The following SDHAF3 variants were observed in gnomAD, a reference collection of about 807,000 sequenced individuals.
The protein encoded by SDHAF3 is succinate dehydrogenase assembly factor 3, mitochondrial.
A neutral mutation model predicts 11.5 loss-of-function variants in SDHAF3; 18 were observed. That is an observed-to-expected ratio of 1.56 (90% CI 1.08 to 2.32). The LOEUF is 2.32. SDHAF3 is among the 30% of genes most tolerant of loss of function. The probability of loss-of-function intolerance (pLI) is 0.00; values close to 1 mark genes in which losing one functional copy is unlikely to be tolerated. For synonymous variants in SDHAF3, 72 were observed against 59.3 expected (o/e 1.21, Z -0.99); for missense variants, 200 against 154.4 (o/e 1.30, Z -1.57).
intron 1 of SDHAF3, among the ~76,000 whole-genome samples, chr7:97,163,482 T>A (rs574187664): frequency 6.6e-6 from 1 of 152,266 alleles, no homozygotes; most frequent in South Asian, 2.1e-4. Context: ...ACTCCTGCTT[T>A]TTTTTGCTTT....
intron 1 of SDHAF3, among the ~76,000 whole-genome samples, chr7:97,172,740 G>A (rs1789620716): frequency 6.6e-6 from 1 of 152,164 alleles, no homozygotes. Context: ...CTGTTTTGAT[G>A]AGGAAATTAC....
chr7:97,119,620 T>C (rs926130301), intron 1 of SDHAF3, among the ~76,000 whole-genome samples: 4 of 152,172 alleles, frequency 2.6e-5, no homozygotes, highest in Admixed American at 2.6e-4. Context: ...ACTACAGACT[T>C]TATTTACAAT....
chr7:97,124,721 A>C (rs888685051), intron 1 of SDHAF3, among the ~76,000 whole-genome samples: 11 of 152,072 alleles, frequency 7.2e-5, no homozygotes, highest in African/African-American at 2.7e-4. Context: ...TGTCTCTTGT[A>C]AGTTGTATTT....
chr7:97,171,318 T>G (rs929707686), intron 1 of SDHAF3, among the ~76,000 whole-genome samples: 1 of 152,074 alleles, frequency 6.6e-6, no homozygotes, highest in Admixed American at 6.5e-5. Flanking sequence ...CCTTTGGTTG[T>G]TTACATTAAA....
intron 1 of SDHAF3, among the ~76,000 whole-genome samples, chr7:97,167,096 G>A (rs555547022): frequency 2.0e-5 from 3 of 151,882 alleles, no homozygotes; most frequent in African/African-American, 7.2e-5. Flanking sequence ...GTGTGTTAGG[G>A]TGGATTTACG....
intron 1 of SDHAF3, among the ~76,000 whole-genome samples, chr7:97,119,884 C>CTA (rs1207765359): frequency 1.3e-5 from 2 of 152,012 alleles, no homozygotes; most frequent in African/African-American, 2.4e-5. Context: ...GTAAGAATAC[C>CTA]ACATGGGCAA....
At chr7:97,136,942 A>G (rs1788927446) in intron 1 of SDHAF3, among the ~76,000 whole-genome samples, 1 of 152,200 alleles carries the variant, frequency 6.6e-6, no homozygotes, top group Non-Finnish European at 1.5e-5. Flanking sequence ...TACTGAAAAT[A>G]TAAAATAAAA....
At chr7:97,126,672 C>T (rs554037462) in intron 1 of SDHAF3, among the ~76,000 whole-genome samples, 19 of 152,174 alleles carry the variant, frequency 1.2e-4, no homozygotes, top group African/African-American at 4.6e-4. Context: ...CATCCCTGGT[C>T]GACTTCAGAC....
chr7:97,141,210 T>C (rs1435019196), intron 1 of SDHAF3, among the ~76,000 whole-genome samples: 1 of 152,200 alleles, frequency 6.6e-6, no homozygotes, highest in African/African-American at 2.4e-5. Context: ...ATGTTATCAA[T>C]GACAATGCGT....
At chr7:97,168,773 G>T (rs576351845) in intron 1 of SDHAF3, among the ~76,000 whole-genome samples, 1 of 152,174 alleles carries the variant, frequency 6.6e-6, no homozygotes, top group South Asian at 2.1e-4. Context: ...TTTTTATTAT[G>T]TTACTTAACT....
chr7:97,152,935 A>AT (rs1280895949), intron 1 of SDHAF3, among the ~76,000 whole-genome samples: 4 of 152,246 alleles, frequency 2.6e-5, no homozygotes, highest in African/African-American at 9.6e-5. Flanking sequence ...AAGTGCTGGG[A>AT]TTACAGGCAT....
intron 1 of SDHAF3, among the ~76,000 whole-genome samples, chr7:97,144,292 T>G (rs1279072580): frequency 3.3e-5 from 5 of 152,230 alleles, no homozygotes; most frequent in African/African-American, 1.2e-4. Flanking sequence ...GTGTTGTCTG[T>G]TTGCTGACTG....
At chr7:97,136,724 C>T (rs1349950669) in intron 1 of SDHAF3, among the ~76,000 whole-genome samples, 1 of 152,042 alleles carries the variant, frequency 6.6e-6, no homozygotes, top group African/African-American at 2.4e-5. Flanking sequence ...TTAGCTTAGT[C>T]TGTAGTTAAA....
chr7:97,152,632 T>C (rs1789242788), intron 1 of SDHAF3, among the ~76,000 whole-genome samples: 2 of 57,452 alleles, frequency 3.5e-5, no homozygotes, highest in South Asian at 1.9e-3. Flanking sequence ...TTCTGAGCCA[T>C]TATTTTGTTT....
chr7:97,142,040 G>GTTTTTTTTTT (rs1474413744), intron 1 of SDHAF3, among the ~76,000 whole-genome samples: 8 of 87,910 alleles, frequency 9.1e-5, no homozygotes, highest in South Asian at 8.3e-4. Flanking sequence ...GTGAATTGTT[G>GTTTTTTTTTT]TCTTTTTTTT....
intron 1 of SDHAF3, among the ~76,000 whole-genome samples, chr7:97,125,723 G>A (rs1005269586): frequency 1.3e-5 from 2 of 152,082 alleles, no homozygotes; most frequent in African/African-American, 2.4e-5. Context: ...TATTGTGTTA[G>A]CAGTTCCTGT....
At chr7:97,131,462 ACTGTT>A (rs1470346400) in intron 1 of SDHAF3, among the ~76,000 whole-genome samples, 5 of 152,192 alleles carry the variant, frequency 3.3e-5, no homozygotes, top group African/African-American at 1.2e-4. Flanking sequence ...CTGGGCTGTA[ACTGTT>A]AAACTTTTTA....
chr7:97,158,141 C>T (rs1415490824), intron 1 of SDHAF3, among the ~76,000 whole-genome samples: 1 of 151,732 alleles, frequency 6.6e-6, no homozygotes, highest in African/African-American at 2.4e-5. Context: ...AAAAAAAATA[C>T]AATCATTGCT....
intron 1 of SDHAF3, among the ~76,000 whole-genome samples, chr7:97,131,126 T>C (rs910121644): frequency 6.6e-6 from 1 of 152,236 alleles, no homozygotes; most frequent in African/African-American, 2.4e-5. Context: ...TATGAAGGTC[T>C]AGTCAAGATT....
Sources: gnomAD v4.1 joint callset for allele counts (sites outside exome capture counted in the v4.1 genomes callset) on GRCh38, gnomAD v4.1.1 for gene constraint, MANE v1.5 for transcripts, NCBI Gene and HGNC (gene_info 2026-07-23, HGNC 2026-07-21) for gene names.